The following EXOC4 variants were observed in gnomAD, a reference collection of about 807,000 sequenced individuals.
The protein encoded by EXOC4 is SEC8-like 1.
EXOC4 carries 71 observed loss-of-function variants against 107.2 expected under a neutral mutation model. The ratio of observed to expected loss-of-function variants is 0.66; its 90% confidence interval spans 0.55 to 0.81. The LOEUF (loss-of-function observed/expected upper bound fraction) is 0.81. Ranked by LOEUF, EXOC4 falls within the 30% of genes least tolerant of loss-of-function variation. EXOC4 has a pLI of 0.00. For missense variants in EXOC4, 1,108 were observed against 1,189.6 expected (o/e 0.93, Z 1.01); for synonymous variants, 456 against 441.2 (o/e 1.03, Z -0.42).
At chr7:133,762,573 A>G (rs1796054800) in intron 10 of EXOC4, among the ~76,000 whole-genome samples, 1 of 152,198 alleles carries the variant, frequency 6.6e-6, no homozygotes, top group Admixed American at 6.5e-5. Context: ...ATTGATATGC[A>G]TATAAATATT....
At chr7:133,936,755 G>A (rs954879345) in intron 13 of EXOC4, among the ~76,000 whole-genome samples, 1 of 152,142 alleles carries the variant, frequency 6.6e-6, no homozygotes, top group African/African-American at 2.4e-5. Context: ...CGCCTCCCGG[G>A]TTCAAGCGAT....
chr7:134,093,750 T>C, the EXOC4 span, among the ~76,000 whole-genome samples: 1 of 152,098 alleles, frequency 6.6e-6, no homozygotes, highest in Non-Finnish European at 1.5e-5. Flanking sequence ...GGAATAAAAA[T>C]AGAAATCAAT....
At chr7:133,561,464 C>T (rs771015962) in intron 9 of EXOC4, among the ~76,000 whole-genome samples, 9 of 152,216 alleles carry the variant, frequency 5.9e-5, no homozygotes, top group African/African-American at 1.2e-4. Context: ...TTATACAGTG[C>T]GGAAAAGGTC....
chr7:133,301,439 A>G (rs1043583332), intron 3 of EXOC4, among the ~76,000 whole-genome samples: 1 of 152,208 alleles, frequency 6.6e-6, no homozygotes, highest in Non-Finnish European at 1.5e-5. Flanking sequence ...GACCATGGCA[A>G]CATTTTCAGA....
chr7:133,323,285 G>A (rs1393022622), intron 5 of EXOC4, among the ~76,000 whole-genome samples: 1 of 152,130 alleles, frequency 6.6e-6, no homozygotes, highest in Non-Finnish European at 1.5e-5. Flanking sequence ...TCGTTTTCTT[G>A]TGCTGGTTTT....
intron 9 of EXOC4, among the ~76,000 whole-genome samples, chr7:133,543,553 T>C (rs1264138168): frequency 6.6e-6 from 1 of 152,196 alleles, no homozygotes; most frequent in Non-Finnish European, 1.5e-5. Flanking sequence ...TAACTATTAT[T>C]AGGTTATCCT....
At chr7:133,771,558 A>G (rs923318854) in intron 10 of EXOC4, 1 of 152,038 alleles carries the variant, frequency 6.6e-6, no homozygotes, top group African/African-American at 2.4e-5. Flanking sequence ...CTTTGTTCTA[A>G]TTAATAGGAA....
intron 9 of EXOC4, among the ~76,000 whole-genome samples, chr7:133,503,639 G>A (rs1276177449): frequency 6.6e-6 from 1 of 152,162 alleles, no homozygotes; most frequent in African/African-American, 2.4e-5. Flanking sequence ...TGATCTTCAT[G>A]TTCTTAGATG....
At chr7:133,594,214 G>A (rs1169172973) in intron 9 of EXOC4, among the ~76,000 whole-genome samples, 2 of 152,170 alleles carry the variant, frequency 1.3e-5, no homozygotes, top group Non-Finnish European at 2.9e-5. Flanking sequence ...GTTGATGTGT[G>A]AGTCTTTGTA....
At chr7:133,979,198 A>G (rs1480191137) in intron 14 of EXOC4, among the ~76,000 whole-genome samples, 2 of 152,204 alleles carry the variant, frequency 1.3e-5, no homozygotes, top group African/African-American at 2.4e-5. Flanking sequence ...TCAGGTGAAT[A>G]TAACACAATT....
chr7:133,373,686 A>G (rs1389744947), intron 6 of EXOC4, among the ~76,000 whole-genome samples: 2 of 152,204 alleles, frequency 1.3e-5, no homozygotes, highest in Non-Finnish European at 2.9e-5. Flanking sequence ...AAGTTGGTTT[A>G]TCAGTCTATT....
chr7:133,499,582 G>T (rs561791580), intron 9 of EXOC4, among the ~76,000 whole-genome samples: 2 of 152,194 alleles, frequency 1.3e-5, no homozygotes, highest in Admixed American at 1.3e-4. Context: ...TAATCATTTT[G>T]TCAAGTAGGC....
downstream of EXOC4, among the ~76,000 whole-genome samples, chr7:134,069,880 C>G (rs1371928079): frequency 1.3e-5 from 2 of 152,198 alleles, no homozygotes; most frequent in African/African-American, 4.8e-5. Flanking sequence ...CTGTGGCTGC[C>G]TCCCTAGGAC....
intron 9 of EXOC4, among the ~76,000 whole-genome samples, chr7:133,622,667 T>G (rs558241445): frequency 6.4e-4 from 97 of 152,266 alleles, no homozygotes; most frequent in Middle Eastern, 3.4e-3. Flanking sequence ...TCACCTACAT[T>G]TATAGTGAGG....
At chr7:133,254,794 T>A (rs890043574) in intron 1 of EXOC4, among the ~76,000 whole-genome samples, 1 of 151,838 alleles carries the variant, frequency 6.6e-6, no homozygotes, top group Non-Finnish European at 1.5e-5. Flanking sequence ...CCAGGAGGAG[T>A]GGCTGTTTCT....
intron 5 of EXOC4, among the ~76,000 whole-genome samples, chr7:133,320,172 T>A (rs981126962): frequency 2.3e-4 from 35 of 152,130 alleles, no homozygotes; most frequent in Admixed American, 6.6e-4. Flanking sequence ...AAGCTAGGTG[T>A]CCTCTTTGTA....
At chr7:133,302,529 A>G (rs1794663198) in intron 3 of EXOC4, among the ~76,000 whole-genome samples, 1 of 152,196 alleles carries the variant, frequency 6.6e-6, no homozygotes, top group Non-Finnish European at 1.5e-5. Context: ...TGTGAGATAT[A>G]CCTGATAATT....
chr7:133,255,895 T>G lies in EXOC4; in HGVS notation c.86+2708T>G, dbSNP rs1336078422. ...TATGTTTCTTGTTAGTAAATTGTGC[T>G]GTCACTTGGAAGTTGCTTCTTGTAT... On this transcript the variant is annotated intron_variant, in intron 1 of 17. Coordinates refer to ENST00000253861, the MANE Select transcript of EXOC4 (RefSeq NM_021807.4). Among the ~76,000 whole-genome samples, 3 of 152,138 alleles carry G rather than the reference T, an allele frequency of 2.0e-5. No homozygotes were observed. In the East Asian group the frequency reaches 5.8e-4, roughly 29 times the overall value.
At chr7:134,072,569 A>G in the EXOC4 span, among the ~76,000 whole-genome samples, 2 of 152,208 alleles carry the variant, frequency 1.3e-5, no homozygotes, top group South Asian at 2.1e-4. Context: ...CTTCCTGAAC[A>G]TGCTGTTTCT....
Sources: gnomAD v4.1 joint callset for allele counts (sites outside exome capture counted in the v4.1 genomes callset) on GRCh38, gnomAD v4.1.1 for gene constraint, MANE v1.5 for transcripts, NCBI Gene and HGNC (gene_info 2026-07-23, HGNC 2026-07-21) for gene names.